Variants in FRMD5 observed in about 807,000 individuals in gnomAD.
The protein encoded by FRMD5 is FERM domain containing 5, also known as FERM domain-containing protein 5.
FRMD5 carries 20 observed loss-of-function variants against 69.0 expected under a neutral mutation model. The observed-to-expected ratio is 0.29, with a 90% CI of 0.20 to 0.42. The LOEUF is 0.42. Ranked by LOEUF, FRMD5 falls within the 10% of genes least tolerant of loss-of-function variation. The probability of loss-of-function intolerance (pLI) is 1.00; values close to 1 mark genes in which losing one functional copy is unlikely to be tolerated. For missense variants in FRMD5, 595 were observed against 708.6 expected, an observed-to-expected ratio of 0.84 and a Z score of 1.82; for synonymous variants, 271 against 260.1, an observed-to-expected ratio of 1.04 and a Z score of -0.40.
intron 1 of FRMD5, among the ~76,000 whole-genome samples, chr15:44,070,244 G>A (rs1192958419): frequency 1.3e-5 from 2 of 151,924 alleles, no homozygotes; most frequent in African/African-American, 4.8e-5. Flanking sequence ...GGAGGCCAAG[G>A]TGGGAAGATT....
intron 1 of FRMD5, among the ~76,000 whole-genome samples, chr15:43,941,459 C>T (rs1357508528): frequency 6.6e-6 from 1 of 152,162 alleles, no homozygotes; most frequent in East Asian, 1.9e-4. Context: ...ATGCTCTTTT[C>T]TGAGCTTCCA....
chr15:43,874,099 C>T lies in FRMD5; in HGVS notation c.1499G>A (p.Ser500Asn), dbSNP rs1236523599. The T allele has an allele frequency of 6.2e-7, 1 of 1,614,230 alleles. No individual in the cohort carries two copies. Among genetic ancestry groups the T allele is most frequent in the Non-Finnish European group, 8.5e-7 (1 of 1,180,050 alleles). The change falls in exon 14 of 14, where the codon AGT becomes AAT. Residue 500 changes from serine (S) to asparagine (N), a missense_variant. Physicochemically the swap from Ser to Asn is conservative, Grantham distance 46. This residue lies in a region of FRMD5 where 245 missense variants were observed against 227.1 expected (regional missense o/e 1.08). Transcript: ENST00000417257. ...EEEQVNKFVL[S>N]VLRLLLVTMG... ...GGTCACAAGGAGCAAACGGAGGACA[C>T]TTAGAACAAACTTATTCACCTGTTC...
At chr15:44,082,592 A>G (rs1470023057) in intron 1 of FRMD5, among the ~76,000 whole-genome samples, 1 of 152,070 alleles carries the variant, frequency 6.6e-6, no homozygotes, top group Non-Finnish European at 1.5e-5. Flanking sequence ...ATTTGTTTTA[A>G]AAAATCAGTT....
intron 1 of FRMD5, among the ~76,000 whole-genome samples, chr15:44,087,796 T>C (rs1370320425): frequency 2.0e-5 from 3 of 149,966 alleles, no homozygotes; most frequent in East Asian, 3.9e-4. Context: ...ATCCCAGGCA[T>C]TGAAGAAGGA....
At chr15:44,189,581 C>T (rs544636155) in intron 1 of FRMD5, among the ~76,000 whole-genome samples, 2 of 151,946 alleles carry the variant, frequency 1.3e-5, no homozygotes, top group East Asian at 3.9e-4. Flanking sequence ...CTCCACCTCC[C>T]GGGTTCAAGC....
intron 1 of FRMD5, among the ~76,000 whole-genome samples, chr15:44,112,294 T>C (rs1217219382): frequency 2.6e-5 from 4 of 152,254 alleles, no homozygotes; most frequent in East Asian, 1.9e-4. Context: ...ATTCCTGTTA[T>C]ATGGTTTTAG....
At chr15:43,875,942 C>A in intron 13 of FRMD5, 2 of 1,302,702 alleles carry the variant, frequency 1.5e-6, no homozygotes, top group Non-Finnish European at 2.2e-6. Context: ...CACTTATAGG[C>A]AAGGCAAATG....
At chr15:43,934,934 T>C (rs2089734800) in intron 1 of FRMD5, among the ~76,000 whole-genome samples, 1 of 152,138 alleles carries the variant, frequency 6.6e-6, no homozygotes, top group Non-Finnish European at 1.5e-5. Context: ...GTGTATAAGA[T>C]TGAGAACTCT....
At chr15:44,034,497 A>T (rs553030634) in intron 1 of FRMD5, among the ~76,000 whole-genome samples, 237 of 152,360 alleles carry the variant, frequency 1.6e-3, no homozygotes, top group African/African-American at 5.6e-3. Flanking sequence ...TGCCACCTGC[A>T]TTAGTTTCTG....
intron 1 of FRMD5, among the ~76,000 whole-genome samples, chr15:44,132,795 T>G (rs138783420): frequency 6.6e-6 from 1 of 151,626 alleles, no homozygotes; most frequent in Non-Finnish European, 1.5e-5. Context: ...TCTCGCCCTG[T>G]TGCCCAGGCT....
intron 6 of FRMD5, among the ~76,000 whole-genome samples, chr15:43,904,456 C>T (rs2089122764): frequency 6.6e-6 from 1 of 152,116 alleles, no homozygotes; most frequent in South Asian, 2.1e-4. Context: ...GCAACCTCCA[C>T]CTCCCAGGTT....
At chr15:43,958,727 C>T (rs1485513958) in intron 1 of FRMD5, among the ~76,000 whole-genome samples, 4 of 152,306 alleles carry the variant, frequency 2.6e-5, no homozygotes, top group Middle Eastern at 3.4e-3. Flanking sequence ...GGGTTACAGG[C>T]GTGAGCCACC....
chr15:44,041,126 A>G (rs535367792), intron 1 of FRMD5, among the ~76,000 whole-genome samples: 3 of 152,080 alleles, frequency 2.0e-5, no homozygotes, highest in Admixed American at 2.0e-4. Flanking sequence ...GGGTAAAGGG[A>G]TCAATGCAAC....
upstream of FRMD5, chr15:44,195,329 G>T (rs186218970): frequency 4.2e-3 from 2,047 of 486,188 alleles, 30 homozygotes; most frequent in East Asian, 0.032. Context: ...TCAACTGGAG[G>T]GGGCCAATGG....
At chr15:44,158,016 G>A (rs969304572) in intron 1 of FRMD5, among the ~76,000 whole-genome samples, 1 of 152,090 alleles carries the variant, frequency 6.6e-6, no homozygotes. Flanking sequence ...CTTTCTAGTT[G>A]AGCATCTGGC....
chr15:44,150,436 A>G (rs528788337), intron 1 of FRMD5, among the ~76,000 whole-genome samples: 4 of 152,062 alleles, frequency 2.6e-5, no homozygotes, highest in African/African-American at 4.8e-5. Flanking sequence ...GAAAAAAAAA[A>G]AAAACCTGCT....
intron 1 of FRMD5, among the ~76,000 whole-genome samples, chr15:43,972,049 TTTATATATTTATATAC>T (rs1448365344): frequency 6.8e-6 from 1 of 146,062 alleles, no homozygotes; most frequent in Non-Finnish European, 1.5e-5. Flanking sequence ...AATATATATT[TTTATATATTTATATAC>T]TTATATATAA....
At chr15:44,197,813 A>C (rs2078322010), upstream of FRMD5, among the ~76,000 whole-genome samples, 1 of 152,200 alleles carries the variant, frequency 6.6e-6, no homozygotes, top group Non-Finnish European at 1.5e-5. Context: ...GAAGTCCATA[A>C]GTGTGATGGT....
At chr15:44,063,600 T>G (rs1595684898) in intron 1 of FRMD5, 3 of 525,176 alleles carry the variant, frequency 5.7e-6, no homozygotes, top group South Asian at 2.9e-5. Flanking sequence ...AAGTGGATAT[T>G]GTTGCCATCA....
Sources: allele counts gnomAD v4.1 joint callset (sites outside exome capture counted in the v4.1 genomes callset), GRCh38; gene constraint gnomAD v4.1.1; regional missense constraint gnomAD v4.1.1; transcripts MANE v1.5; gene names NCBI Gene and HGNC (gene_info 2026-07-23, HGNC 2026-07-21).